MYRFL: variants seen among roughly 807,000 people sequenced by gnomAD.
MYRFL encodes the protein myelin regulatory factor-like protein.
In MYRFL, 88 loss-of-function variants were observed where a neutral mutation model predicts 109.4. The ratio of observed to expected loss-of-function variants is 0.80; its 90% confidence interval spans 0.68 to 0.96. MYRFL has a LOEUF of 0.96. Ranked by LOEUF, MYRFL falls within the 40% of genes least tolerant of loss-of-function variation. The probability of loss-of-function intolerance (pLI) is 0.00; values close to 1 mark genes in which losing one functional copy is unlikely to be tolerated. For missense variants in MYRFL, 957 were observed against 954.9 expected (o/e 1.00, Z -0.03); for synonymous variants, 324 against 320.9 (o/e 1.01, Z -0.10).
intron 1 of MYRFL, among the ~76,000 whole-genome samples, chr12:69,835,273 G>C (rs1882866159): frequency 6.6e-6 from 1 of 152,182 alleles, no homozygotes; most frequent in African/African-American, 2.4e-5. Context: ...CAGGGTTTGG[G>C]GAAGCTGGCT....
Position 69,852,977 on chromosome 12 carries a change from G to A in MYRFL, c.47-2303G>A, listed in dbSNP as rs185852931. On this transcript the variant is annotated intron_variant, in intron 1 of 24. Coordinates refer to ENST00000552032, the MANE Select transcript of MYRFL (RefSeq NM_182530.3). ...TACAGAACAAAATGGAGTCTCCTAC[G>A]TCTACTTCTTTCTACACAGACACCG... 2.7e-3 allele frequency among the ~76,000 whole-genome samples: 418 copies of A among 152,332 alleles called. 5 individuals carry two copies. Among genetic ancestry groups the A allele is most frequent in the African/African-American group, 8.7e-3 (361 of 41,574 alleles).
At chr12:69,913,798 C>T (rs563202717) in intron 13 of MYRFL, among the ~76,000 whole-genome samples, 4 of 152,084 alleles carry the variant, frequency 2.6e-5, no homozygotes, top group South Asian at 2.1e-4. Flanking sequence ...TAAGATCCCA[C>T]GTGAATTTTA....
chr12:69,926,947 T>TG, intron 14 of MYRFL, among the ~76,000 whole-genome samples: 1 of 136,668 alleles, frequency 7.3e-6, no homozygotes, highest in African/African-American at 2.7e-5. Flanking sequence ...TTTTTTTTTT[T>TG]TTTTTTTTTT....
At chr12:69,928,246 T>TTAAG (rs767210633) in intron 15 of MYRFL, among the ~76,000 whole-genome samples, 3 of 152,354 alleles carry the variant, frequency 2.0e-5, no homozygotes, top group Admixed American at 6.5e-5. Context: ...AAAGCATTTA[T>TTAAG]TAAGTAGGAT....
chr12:69,880,353 G>T (rs916378569), intron 5 of MYRFL, 61 bp downstream of exon 5: 6 of 678,702 alleles, frequency 8.8e-6, no homozygotes, highest in African/African-American at 7.1e-5. Context: ...TTAAAGCAAG[G>T]CTTTTTACCA....
In MYRFL at chr12:69,879,410, A is replaced by G; in HGVS notation, c.421A>G (p.Ile141Val). The G allele has an allele frequency of 1.4e-6, 1 of 702,820 alleles. No homozygotes were observed. The highest frequency in any genetic ancestry group is 2.0e-5 in the Admixed American group (1 of 50,000). The allele number at this position is 702,820 out of a possible 1,614,324, so 43.5% of individuals were successfully genotyped here. ...LDQSVSSHLG[I>V]GCSYPQQPLC... Reference sequence around the variant, plus strand: ...CCAATCCGTGTCCTCCCATCTGGGGATAGGTTGTTCTTACCCTCAGCAGCC... The same window carrying G: ...CCAATCCGTGTCCTCCCATCTGGGGGTAGGTTGTTCTTACCCTCAGCAGCC... Residue 141 changes from isoleucine (I) to valine (V), a missense_variant, in exon 4 of 25, where the codon ATA becomes GTA. Coordinates refer to ENST00000552032, the MANE Select transcript of MYRFL (RefSeq NM_182530.3).
chr12:69,942,674 A>G (rs915672384), intron 19 of MYRFL, among the ~76,000 whole-genome samples: 73 of 151,966 alleles, frequency 4.8e-4, no homozygotes, highest in African/African-American at 1.7e-3. Context: ...TAGTGTTGGA[A>G]GTTCTGGCCA....
At chr12:69,911,956 C>T (rs1223884346) in intron 13 of MYRFL, among the ~76,000 whole-genome samples, 1 of 152,190 alleles carries the variant, frequency 6.6e-6, no homozygotes. Flanking sequence ...TCCTGCAATT[C>T]CAACCAGCCT....
At chr12:69,827,632 A>T (rs2136311978) in intron 1 of MYRFL, among the ~76,000 whole-genome samples, 1 of 152,246 alleles carries the variant, frequency 6.6e-6, no homozygotes, top group Middle Eastern at 3.4e-3. Context: ...TGTTTTATTT[A>T]TAATAACTAA....
intron 19 of MYRFL, among the ~76,000 whole-genome samples, chr12:69,943,999 A>T (rs868400177): frequency 0.033 from 4,927 of 148,380 alleles, 263 homozygotes; most frequent in African/African-American, 0.12. Flanking sequence ...ATCTCACACC[A>T]GTTAGAATGG....
At chr12:69,921,021 T>C (rs1185414896) in intron 13 of MYRFL, among the ~76,000 whole-genome samples, 1 of 152,186 alleles carries the variant, frequency 6.6e-6, no homozygotes, top group East Asian at 1.9e-4. Context: ...GGTTTAATCA[T>C]TTTTACATCA....
At chr12:69,858,764 A>G (rs1884452797) in intron 2 of MYRFL, among the ~76,000 whole-genome samples, 2 of 151,684 alleles carry the variant, frequency 1.3e-5, no homozygotes, top group East Asian at 1.9e-4. Flanking sequence ...ACGTTTATCA[A>G]TTTTATTGAT....
In MYRFL at chr12:69,825,256, A is replaced by G. The variant is rs1882204546; in HGVS notation, c.-262A>G. 1.4e-5 allele frequency: 9 copies of G among 643,546 alleles called. No individual in the cohort carries two copies. Among genetic ancestry groups the G allele is most frequent in the South Asian group, 1.3e-4 (8 of 60,262 alleles). 39.9% of individuals were successfully genotyped at this position (643,546 alleles called of 1,614,324 possible). A position where few individuals can be genotyped will look rare whatever the true frequency, so the allele number is the denominator to read the frequency against. ...TAGAAACAGTTCCTTATATTAAGAC[A>G]GATGAATTTGCTACCTCTTCCCTCT... On this transcript the variant is annotated 5_prime_UTR_variant, in exon 1 of 25. Coordinates refer to ENST00000552032, the MANE Select transcript of MYRFL (RefSeq NM_182530.3).
At chr12:69,925,520 T>G (rs1445887140) in intron 13 of MYRFL, among the ~76,000 whole-genome samples, 1 of 151,918 alleles carries the variant, frequency 6.6e-6, no homozygotes, top group Non-Finnish European at 1.5e-5. Context: ...CCAGCCTCTC[T>G]GCAATTCAGA....
intron 10 of MYRFL, 45 bp from the exon 11 acceptor site, chr12:69,903,599 C>T: frequency 6.6e-7 from 1 of 1,519,132 alleles, no homozygotes; most frequent in Non-Finnish European, 8.8e-7. Context: ...TCATCTATTC[C>T]TGCTACTGTT....
intron 2 of MYRFL, among the ~76,000 whole-genome samples, chr12:69,875,149 C>T (rs1885585940): frequency 1.3e-5 from 2 of 150,216 alleles, no homozygotes; most frequent in Admixed American, 1.3e-4. Flanking sequence ...CTGTTTCATC[C>T]TCTCTGCAGG....
intron 19 of MYRFL, among the ~76,000 whole-genome samples, chr12:69,937,677 G>T (rs1490765685): frequency 6.6e-6 from 1 of 152,136 alleles, no homozygotes; most frequent in South Asian, 2.1e-4. Context: ...ATTTTTAAAC[G>T]GATGGGGAAG....
At chr12:69,875,618 G>A (rs1479372855) in intron 2 of MYRFL, among the ~76,000 whole-genome samples, 1 of 152,174 alleles carries the variant, frequency 6.6e-6, no homozygotes, top group African/African-American at 2.4e-5. Context: ...ATTCCCGCCT[G>A]GGCTCTGCCT....
chr12:69,953,222 C>T (rs754146042), intron 21 of MYRFL, among the ~76,000 whole-genome samples: 4 of 152,178 alleles, frequency 2.6e-5, no homozygotes, highest in African/African-American at 7.2e-5. Flanking sequence ...ACAAGAAAGA[C>T]ATTGTTGCTC....
Sources: gnomAD v4.1 joint callset for allele counts (sites outside exome capture counted in the v4.1 genomes callset) on GRCh38, gnomAD v4.1.1 for gene constraint, MANE v1.5 for transcripts, NCBI Gene and HGNC (gene_info 2026-07-23, HGNC 2026-07-21) for gene names.